UBE3B: variants seen among roughly 807,000 people sequenced by gnomAD.
The protein encoded by UBE3B is ubiquitin protein ligase E3B, also known as ubiquitin-protein ligase E3B.
A neutral mutation model predicts 132.3 loss-of-function variants in UBE3B; 80 were observed. That is an observed-to-expected ratio of 0.60 (90% CI 0.50 to 0.73). The LOEUF is 0.73. Ranked by LOEUF, UBE3B falls within the 30% of genes least tolerant of loss-of-function variation. The probability of loss-of-function intolerance (pLI) is 0.00; values close to 1 mark genes in which losing one functional copy is unlikely to be tolerated. For synonymous variants in UBE3B, 487 were observed against 520.4 expected (o/e 0.94, Z 0.87); for missense variants, 1,196 against 1,362.5 (o/e 0.88, Z 1.92).
the UBE3B span, among the ~76,000 whole-genome samples, chr12:109,542,603 G>T: frequency 6.6e-6 from 1 of 152,186 alleles, no homozygotes; most frequent in Admixed American, 6.5e-5. Context: ...AGTAGGGTGG[G>T]ACCCTAATCC....
the UBE3B span, among the ~76,000 whole-genome samples, chr12:109,543,691 G>A: frequency 1.4e-4 from 22 of 152,174 alleles, no homozygotes; most frequent in South Asian, 4.1e-4. Context: ...AAATTAGCCC[G>A]GCATGGTGGC....
chr12:109,497,994 T>C, intron 10 of UBE3B, 71 bp downstream of exon 10: 1 of 1,525,178 alleles, frequency 6.6e-7, no homozygotes, highest in East Asian at 2.3e-5. Flanking sequence ...CATTAGAAAG[T>C]AAAATGGCTT....
Position 109,497,939 on chromosome 12 carries a change from G to A in UBE3B, c.819+16G>A. The stretch of plus-strand genomic sequence containing the variant: ...GACCCCTGAGGTAAGCAGGCTCTGT[G>A]AGTTCCCCGTGAAAACCCAATTGTG... On this transcript the variant is annotated intron_variant, in intron 10 of 27. Transcript: ENST00000342494. 2 of 1,612,730 alleles carry A rather than the reference G, an allele frequency of 1.2e-6. No individual in the cohort carries two copies. Among genetic ancestry groups the A allele is most frequent in the Non-Finnish European group, 8.5e-7 (1 of 1,178,928 alleles).
chr12:109,521,857 A>G lies in UBE3B; in HGVS notation c.2364+306A>G, dbSNP rs893412013. 5.3e-5 allele frequency among the ~76,000 whole-genome samples: 8 copies of G among 152,136 alleles called. No individual in the cohort carries two copies. The highest frequency in any genetic ancestry group is 1.9e-4 in the African/African-American group (8 of 41,414). ...GTTGCTAGTTAAGTGGTAGAGGTGG[A>G]ATTTGAACCCAGGCCGGCCCAAGTC... On this transcript the variant is annotated intron_variant, in intron 21 of 27. Coordinates refer to ENST00000342494, the MANE Select transcript of UBE3B (RefSeq NM_130466.4). The surrounding 1 kb of genome is among the most constrained non-coding windows in gnomAD (Gnocchi z 4.2).
chr12:109,496,326 A>C (rs776947244), intron 9 of UBE3B, among the ~76,000 whole-genome samples: 1 of 152,222 alleles, frequency 6.6e-6, no homozygotes, highest in African/African-American at 2.4e-5. Flanking sequence ...GGCTATTATA[A>C]ATAGTGCTGC....
downstream of UBE3B, among the ~76,000 whole-genome samples, chr12:109,538,673 G>A (rs1883539991): frequency 6.6e-6 from 1 of 152,244 alleles, no homozygotes. This position sits in a 1 kb window ranked among gnomAD's most constrained non-coding sequence, Gnocchi z 4.1. Flanking sequence ...AGCTTCCAGA[G>A]TGGCTCCTGC....
At chr12:109,483,106 G>A (rs755172467) in intron 2 of UBE3B, among the ~76,000 whole-genome samples, 1 of 152,200 alleles carries the variant, frequency 6.6e-6, no homozygotes, top group Non-Finnish European at 1.5e-5. Context: ...CAAAATAAAA[G>A]CTGACCTCTC....
Position 109,483,689 on chromosome 12 carries a change from G to A in UBE3B, c.138G>A (p.Arg46=). The change falls in exon 3 of 28, where the codon CGG becomes CGA. Residue 46 remains arginine, a synonymous_variant. Coordinates refer to ENST00000342494, the MANE Select transcript of UBE3B (RefSeq NM_130466.4). ...CCCATGTCCGGAGTTTTCTCTGTCG[G>A]AGTCGACTGCAGAGAGATATCAGGT... ...IQAHVRSFLC[R]SRLQRDIRRE... 6.2e-7 allele frequency: 1 copy of A among 1,608,852 alleles called. No homozygotes were observed. The highest frequency in any genetic ancestry group is 1.7e-4 in the Middle Eastern group (1 of 6,028).
intron 9 of UBE3B, 87 bp from the exon 10 acceptor site, chr12:109,497,731 A>T: frequency 1.5e-6 from 2 of 1,318,282 alleles, no homozygotes; most frequent in South Asian, 1.2e-5. Context: ...AATAATTTCT[A>T]GGAATTTGAG....
At chr12:109,528,411 A>G (rs138340935) in intron 24 of UBE3B, 22 of 985,330 alleles carry the variant, frequency 2.2e-5, no homozygotes, top group African/African-American at 3.5e-5. Context: ...ATGTATTAAT[A>G]TACAGGTTTG....
In UBE3B at chr12:109,511,237, C is replaced by T. The variant is rs3742019; in HGVS notation, c.1890C>T (p.Leu630=). The T allele has an allele frequency of 3.7e-4, 592 of 1,614,124 alleles. 7 individuals carry two copies. The East Asian group carries it at 0.01, about 27-fold the overall frequency. The change falls in exon 18 of 28, where the codon CTC becomes CTT. Residue 630 remains leucine, a synonymous_variant. Transcript: ENST00000342494. ...AACCTAGCGTGCTCTTCCAAGAACTCGACAGGGACAGAAAACGGGCACAGT... is the reference window on the plus strand; with the variant it reads ...AACCTAGCGTGCTCTTCCAAGAACTTGACAGGGACAGAAAACGGGCACAGT... ...DLKPSVLFQE[L]DRDRKRAQLI... is the part of the protein sequence containing the mutation.
At chr12:109,540,369 G>A (rs959775191), downstream of UBE3B, among the ~76,000 whole-genome samples, 2 of 152,090 alleles carry the variant, frequency 1.3e-5, no homozygotes, top group African/African-American at 2.4e-5. Flanking sequence ...CACCACAACC[G>A]GCTAGTTTAT....
intron 1 of UBE3B, among the ~76,000 whole-genome samples, chr12:109,480,298 G>A (rs11066813): frequency 0.11 from 17,000 of 151,554 alleles, 1,134 homozygotes; most frequent in Middle Eastern, 0.14. Flanking sequence ...TACCTGATAA[G>A]CATCATCACA....
At chr12:109,527,111 A>G (rs878904850) in intron 24 of UBE3B, among the ~76,000 whole-genome samples, 1 of 152,182 alleles carries the variant, frequency 6.6e-6, no homozygotes, top group African/African-American at 2.4e-5. Context: ...TGGCAGTTGT[A>G]TAAAACAGTG....
At position 109,483,574 on chromosome 12, in the gene UBE3B, C is replaced by T. The variant is rs749860136; in HGVS notation, c.23C>T (p.Ser8Leu). 7 of 1,595,544 alleles carry T rather than the reference C, an allele frequency of 4.4e-6. No individual in the cohort carries two copies. Among genetic ancestry groups the T allele is most frequent in the South Asian group, 1.1e-5 (1 of 87,708 alleles). Residue 8 changes from serine to leucine, a missense_variant, in exon 3 of 28, where the codon TCG becomes TTG. Physicochemically the swap from Ser to Leu is moderately radical, Grantham distance 145. Transcript: ENST00000342494. Reference protein sequence around the residue: MFTLSQTSRAWFIDRARQ... With the variant: MFTLSQTLRAWFIDRARQ... ...AACATGTTCACCCTGTCTCAGACCT[C>T]GAGAGCATGGTTCATCGATAGAGCC...
At chr12:109,492,234 T>G (rs1468445786) in intron 9 of UBE3B, 1 of 152,224 alleles carries the variant, frequency 6.6e-6, no homozygotes, top group African/African-American at 2.4e-5. Context: ...GGGGGCTGTT[T>G]AAATGAAAAT....
downstream of UBE3B, among the ~76,000 whole-genome samples, chr12:109,537,053 T>C (rs968118907): frequency 4.4e-4 from 67 of 152,188 alleles, no homozygotes; most frequent in African/African-American, 1.6e-3. Context: ...TTTTGCCATG[T>C]CACCCAGACC....
chr12:109,509,021 AT>A (rs1383149081), intron 15 of UBE3B: 1 of 152,480 alleles, frequency 6.6e-6, no homozygotes, highest in African/African-American at 2.4e-5. Context: ...ATCCTTATGA[AT>A]AAGAAAAATA....
the UBE3B span, among the ~76,000 whole-genome samples, chr12:109,541,750 G>C: frequency 1.3e-5 from 2 of 152,208 alleles, no homozygotes; most frequent in Non-Finnish European, 2.9e-5. Flanking sequence ...CCCTCTGGAG[G>C]CTCTGGGGAG....
Sources: allele counts gnomAD v4.1 joint callset (sites outside exome capture counted in the v4.1 genomes callset), GRCh38; gene constraint gnomAD v4.1.1; non-coding constraint Gnocchi (gnomAD v3.1); transcripts MANE v1.5; gene names NCBI Gene and HGNC (gene_info 2026-07-23, HGNC 2026-07-21).